The following SRD5A1 variants were observed in gnomAD, a reference collection of about 807,000 sequenced individuals.
SRD5A1 encodes 3-oxo-5-alpha-steroid 4-dehydrogenase 1.
SRD5A1 carries 22 observed loss-of-function variants against 28.2 expected under a neutral mutation model. That is an observed-to-expected ratio of 0.78 (90% CI 0.56 to 1.12). The LOEUF (loss-of-function observed/expected upper bound fraction) is 1.12, where lower values mean the gene tolerates loss of function less well. Among genes scored for constraint, SRD5A1 ranks in the 50% most tolerant of loss-of-function variants. SRD5A1 has a pLI of 0.00. For missense variants in SRD5A1, 300 were observed against 346.7 expected (o/e 0.87, Z 1.07); for synonymous variants, 151 against 135.0 (o/e 1.12, Z -0.82).
intron 3 of SRD5A1, among the ~76,000 whole-genome samples, chr5:6,658,923 G>A (rs1738910166): frequency 6.6e-6 from 1 of 151,760 alleles, no homozygotes; most frequent in Non-Finnish European, 1.5e-5. Flanking sequence ...ACCAGCCTAG[G>A]CAACATAGCC....
chr5:6,633,866 A>G lies in SRD5A1; in HGVS notation c.290A>G (p.His97Arg). ...GCCATGTTCCTCGTCCACTACGGGC[A>G]TCGGTAACGTCCCCGGCCCCCGGCC... is the stretch of plus-strand genomic sequence containing the variant. ...LLAMFLVHYG[H>R]RCLIYPFLMR... The change falls in exon 1 of 5, where the codon CAT becomes CGT. Residue 97 changes from histidine (H) to arginine (R), a missense_variant. His to Arg is a conservative substitution (Grantham distance 29). Transcript: ENST00000274192. The G allele has an allele frequency of 6.3e-7, 1 of 1,596,842 alleles. No homozygotes were observed. The highest frequency in any genetic ancestry group is 8.5e-7 in the Non-Finnish European group (1 of 1,179,264).
At chr5:6,668,063 G>T in intron 4 of SRD5A1, 139 bp from the exon 5 acceptor site, 1 of 523,676 alleles carries the variant, frequency 1.9e-6, no homozygotes, top group Non-Finnish European at 3.4e-6. Context: ...TAAACTATAA[G>T]TATGAAATGC....
chr5:6,637,556 A>C (rs1400058045), intron 1 of SRD5A1, among the ~76,000 whole-genome samples: 1 of 152,206 alleles, frequency 6.6e-6, no homozygotes, highest in East Asian at 1.9e-4. Context: ...AGCTTTGTTC[A>C]GTATTCCCTG....
At chr5:6,654,427 G>A (rs1335639787) in intron 2 of SRD5A1, among the ~76,000 whole-genome samples, 1 of 137,720 alleles carries the variant, frequency 7.3e-6, no homozygotes. Context: ...AAGATTTTAA[G>A]TTTTTTTTTT....
In SRD5A1 at chr5:6,633,451, A is replaced by G; in HGVS notation, c.-126A>G. The G allele has an allele frequency of 9.0e-7, 1 of 1,111,740 alleles. No individual in the cohort carries two copies. Among genetic ancestry groups the G allele is most frequent in the Non-Finnish European group, 1.2e-6 (1 of 833,554 alleles). The allele number at this position is 1,111,740 out of a possible 1,614,324, so 68.9% of individuals were successfully genotyped here. A position where few individuals can be genotyped will look rare whatever the true frequency, so the allele number is the denominator to read the frequency against. ...CCTGACTTGAGAACCCTTTCTGCAG[A>G]GTCCCGGCAGTGCGGGACTCCGGTA... On this transcript the variant is annotated 5_prime_UTR_variant, in exon 1 of 5. Coordinates refer to ENST00000274192, the MANE Select transcript of SRD5A1 (RefSeq NM_001047.4).
At chr5:6,661,695 G>A (rs1290849550) in intron 3 of SRD5A1, among the ~76,000 whole-genome samples, 1 of 151,934 alleles carries the variant, frequency 6.6e-6, no homozygotes, top group Admixed American at 6.6e-5. Flanking sequence ...ATCACACCTG[G>A]CTGATTTTTG....
chr5:6,663,710 A>C (rs1739078005), intron 4 of SRD5A1, among the ~76,000 whole-genome samples: 2 of 152,028 alleles, frequency 1.3e-5, no homozygotes, highest in African/African-American at 4.8e-5. Flanking sequence ...AAATACAAAA[A>C]TTAGTCAGGC....
intron 3 of SRD5A1, among the ~76,000 whole-genome samples, chr5:6,657,434 G>A (rs1264155312): frequency 1.3e-5 from 2 of 152,248 alleles, no homozygotes; most frequent in African/African-American, 2.4e-5. Context: ...TACAGTGGCT[G>A]GGAGAGCACA....
At chr5:6,641,604 G>A (rs1478595688) in intron 1 of SRD5A1, among the ~76,000 whole-genome samples, 2 of 152,182 alleles carry the variant, frequency 1.3e-5, no homozygotes, top group African/African-American at 4.8e-5. Flanking sequence ...TAGGCATCAG[G>A]GTTACTGGTG....
intron 1 of SRD5A1, among the ~76,000 whole-genome samples, chr5:6,644,061 T>G (rs770946991): frequency 6.6e-6 from 1 of 152,242 alleles, no homozygotes. Flanking sequence ...GATTCTGATA[T>G]GCCAGAGGGA....
At chr5:6,644,459 G>T (rs1579398439) in intron 1 of SRD5A1, among the ~76,000 whole-genome samples, 1 of 152,236 alleles carries the variant, frequency 6.6e-6, no homozygotes. Flanking sequence ...GAAATAACTT[G>T]AGGCCGTAAC....
At chr5:6,650,411 G>GAAAA (rs563990147) in intron 1 of SRD5A1, among the ~76,000 whole-genome samples, 1 of 112,554 alleles carries the variant, frequency 8.9e-6, no homozygotes, top group African/African-American at 3.3e-5. Flanking sequence ...ACCCTGTCTT[G>GAAAA]AAAAAAAAAA....
chr5:6,656,559 C>T (rs926084834), intron 3 of SRD5A1, among the ~76,000 whole-genome samples: 6 of 152,070 alleles, frequency 3.9e-5, no homozygotes, highest in African/African-American at 1.2e-4. Context: ...TCTTCTTAAA[C>T]GCATCAGTAT....
intron 4 of SRD5A1, among the ~76,000 whole-genome samples, chr5:6,664,479 A>C (rs567321717): frequency 6.6e-6 from 1 of 152,080 alleles, no homozygotes; most frequent in Non-Finnish European, 1.5e-5. Flanking sequence ...ATCTCAGCTC[A>C]CTGCCACCTC....
intron 1 of SRD5A1, among the ~76,000 whole-genome samples, chr5:6,644,532 A>T (rs958709920): frequency 3.9e-5 from 6 of 152,128 alleles, no homozygotes; most frequent in Admixed American, 6.5e-5. Context: ...TGCCGCATTG[A>T]GAATCTCCTA....
rs745463060 is a variant in SRD5A1, at chr5:6,656,129, T to C, written c.512T>C (p.Ile171Thr). 4 of 1,614,074 alleles carry C rather than the reference T, an allele frequency of 2.5e-6. No individual in the cohort carries two copies. In the Admixed American group the frequency reaches 5.0e-5, roughly 20 times the overall value. Residue 171 changes from isoleucine (I) to threonine (T), a missense_variant, in exon 3 of 5, where the codon ATC becomes ACC. Ile to Thr is a moderately conservative substitution (Grantham distance 89). This residue lies in a region of SRD5A1 where 126 missense variants were observed against 185.7 expected (regional missense o/e 0.68). Transcript: ENST00000274192. The stretch of plus-strand genomic sequence containing the variant: ...TTGATAAACATCCATTCAGATCATA[T>C]CCTAAGGAATCTCAGAAAACCAGGA... ...GMLINIHSDHILRNLRKPGDT... is the reference protein window; with the variant it reads ...GMLINIHSDHTLRNLRKPGDT...
At chr5:6,662,218 T>G (rs1739027979) in intron 3 of SRD5A1, among the ~76,000 whole-genome samples, 1 of 152,216 alleles carries the variant, frequency 6.6e-6, no homozygotes, top group Non-Finnish European at 1.5e-5. Flanking sequence ...AGCCACTCTG[T>G]GATAGTGACC....
Position 6,670,775 on chromosome 5 carries a change from C to T in SRD5A1, c.*2507C>T, listed in dbSNP as rs1739338504. ...TACAGCCATAATCTTCTCTATCGGC[C>T]ATTGCTGTAACCAAAGCTTAACCAC... On this transcript the variant is annotated 3_prime_UTR_variant, in exon 5 of 5. Coordinates refer to ENST00000274192, the MANE Select transcript of SRD5A1 (RefSeq NM_001047.4). The T allele has an allele frequency of 6.6e-6, 1 of 152,194 alleles. No homozygotes were observed. The allele number at this position is 152,194 out of a possible 1,614,324, so 9.4% of individuals were successfully genotyped here.
chr5:6,658,559 A>G (rs1738900590), intron 3 of SRD5A1, among the ~76,000 whole-genome samples: 2 of 152,184 alleles, frequency 1.3e-5, no homozygotes, highest in South Asian at 2.1e-4. Flanking sequence ...AGACAGGCCA[A>G]AGGAAATGCA....
Sources: gnomAD v4.1 joint callset for allele counts (sites outside exome capture counted in the v4.1 genomes callset) on GRCh38, gnomAD v4.1.1 for gene constraint, gnomAD v4.1.1 regional missense constraint, MANE v1.5 for transcripts, NCBI Gene and HGNC (gene_info 2026-07-23, HGNC 2026-07-21) for gene names.